The following DMD variants were observed in gnomAD, a reference collection of about 807,000 sequenced individuals.
DMD encodes mutant dystrophin.
Under a neutral mutation model 330.1 loss-of-function variants are expected in DMD, and 63 were observed. The ratio of observed to expected loss-of-function variants is 0.19; its 90% CI spans 0.16 to 0.24. DMD has a LOEUF of 0.24. DMD is among the 10% of genes least tolerant of loss of function. DMD has a pLI of 1.00. For missense variants in DMD, 3,344 were observed against 2,684.1 expected, an observed-to-expected ratio of 1.25 and a Z score of -5.43; for synonymous variants, 1,223 against 959.8, an observed-to-expected ratio of 1.27 and a Z score of -5.07.
At chrX:32,148,288 G>A (rs998728071) in intron 44 of DMD, among the ~76,000 whole-genome samples, 4 of 111,342 alleles carry the variant, frequency 3.6e-5, no homozygotes, top group African/African-American at 1.3e-4. Context: ...ACTTAGACCT[G>A]TCATTTTAGA....
intron 63 of DMD, among the ~76,000 whole-genome samples, chrX:31,223,934 ATGTTCAG>A (rs2046343024): frequency 8.9e-6 from 1 of 112,467 alleles, no homozygotes; most frequent in South Asian, 3.7e-4. Context: ...AATCATTCTA[ATGTTCAG>A]CACAGAATAA....
chrX:32,882,435 C>G (rs759084886), intron 2 of DMD, among the ~76,000 whole-genome samples: 17 of 112,312 alleles, frequency 1.5e-4, no homozygotes, highest in Non-Finnish European at 3.2e-4. Context: ...GCTGACACAT[C>G]ATCCCAAACC....
At position 33,273,954 on chromosome X, in the gene DMD, C is replaced by T. The variant is rs2053198211; in HGVS notation, c.7+65305G>A. On this transcript the variant is annotated intron_variant, in intron 1 of 17. Transcript: ENST00000288447. ...ATAGCAAAAATTCTCAATCTTAGCA[C>T]CAGTGCCAGGAGATGAATCTCATTA... Among the ~76,000 whole-genome samples the T allele has an allele frequency of 6.2e-5, 7 of 112,212 alleles. No individual in the cohort carries two copies. The South Asian group carries it at 2.6e-3, about 41-fold the overall frequency.
At chrX:32,446,206 A>G (rs2098303480) in intron 27 of DMD, among the ~76,000 whole-genome samples, 1 of 110,919 alleles carries the variant, frequency 9.0e-6, no homozygotes, top group Non-Finnish European at 1.9e-5. Context: ...ACACCAGGTG[A>G]CAAAGTATAA....
At chrX:31,836,599 A>G in intron 49 of DMD, 119 bp downstream of exon 49, 1 of 601,061 alleles carries the variant, frequency 1.7e-6, no homozygotes, top group Admixed American at 2.3e-5. Flanking sequence ...CAGTATGGCC[A>G]GTATTTCCTT....
intron 1 of DMD, among the ~76,000 whole-genome samples, chrX:33,208,014 C>G (rs186676081): frequency 9.0e-6 from 1 of 111,584 alleles, no homozygotes; most frequent in African/African-American, 3.3e-5. Flanking sequence ...ACCATTGCCT[C>G]TCTCTGAATC....
Position 31,600,823 on chromosome X carries a change from T to A in DMD, c.8217+26850A>T, listed in dbSNP as rs1035891259. On this transcript the variant is annotated intron_variant, in intron 55 of 78. Coordinates refer to ENST00000357033, the MANE Select transcript of DMD (RefSeq NM_004006.3). ...TGATGTTTTTTTTTTTTTTCTTTTT[T>A]TCTGGGCTCTGAGAAACCTCTCTCC... 2.1e-4 allele frequency among the ~76,000 whole-genome samples: 23 copies of A among 108,905 alleles called. 1 individual carries two copies. Among genetic ancestry groups the A allele is most frequent in the African/African-American group, 6.7e-4 (20 of 29,909 alleles). 94.6% of individuals were successfully genotyped at this position (108,905 alleles called of 115,157 possible).
intron 55 of DMD, among the ~76,000 whole-genome samples, chrX:31,512,153 T>C (rs1402755639): frequency 3.6e-5 from 4 of 110,938 alleles, no homozygotes. Flanking sequence ...TGTCTGTTCA[T>C]GTCCTTCACC....
At chrX:33,109,545 C>A (rs998025888) in intron 1 of DMD, among the ~76,000 whole-genome samples, 22 of 108,685 alleles carry the variant, frequency 2.0e-4, no homozygotes, top group African/African-American at 7.3e-4. Context: ...CTTCCTTGAC[C>A]ATTATAACTG....
intron 44 of DMD, among the ~76,000 whole-genome samples, chrX:32,089,228 A>G (rs955851432): frequency 7.2e-5 from 8 of 110,952 alleles, no homozygotes; most frequent in East Asian, 2.9e-4. Context: ...CTCAGAAGCA[A>G]TCTCTTTTAA....
At chrX:32,902,368 T>C (rs1251305128) in intron 2 of DMD, among the ~76,000 whole-genome samples, 1 of 110,859 alleles carries the variant, frequency 9.0e-6, no homozygotes, top group Non-Finnish European at 1.9e-5. Context: ...AGACACCAAA[T>C]TTTGATAAAA....
intron 43 of DMD, among the ~76,000 whole-genome samples, chrX:32,229,794 T>C (rs1251264454): frequency 1.0e-5 from 1 of 99,070 alleles, no homozygotes; most frequent in African/African-American, 3.7e-5. Flanking sequence ...TATAAACATA[T>C]CTGTCATCAC....
chrX:32,844,483 T>G (rs1472050160), intron 4 of DMD, among the ~76,000 whole-genome samples: 5 of 106,407 alleles, frequency 4.7e-5, no homozygotes, highest in Admixed American at 1.0e-4. Context: ...AGAAACCGAG[T>G]TGACTGCAGG....
intron 2 of DMD, among the ~76,000 whole-genome samples, chrX:32,854,056 A>T (rs998941997): frequency 1.3e-4 from 14 of 111,719 alleles, no homozygotes; most frequent in African/African-American, 4.2e-4. Flanking sequence ...CGAACACTGG[A>T]GCACCCAGAT....
In DMD at chrX:31,424,849, G is replaced by A. The variant is rs190794550; in HGVS notation, c.9084+19632C>T. On this transcript the variant is annotated intron_variant, in intron 60 of 78. Transcript: ENST00000357033. ...GAGACCTTTTACTACAACGTTTAAC[G>A]AAGTATTTGGATGACTTGAGGCTCA... Among the ~76,000 whole-genome samples, 537 of 112,065 alleles carry A rather than the reference G, an allele frequency of 4.8e-3. 5 individuals carry two copies. The highest frequency in any genetic ancestry group is 0.017 in the African/African-American group (520 of 30,875).
At chrX:32,188,330 T>C (rs1298178251) in intron 44 of DMD, among the ~76,000 whole-genome samples, 1 of 108,098 alleles carries the variant, frequency 9.3e-6, no homozygotes, top group African/African-American at 3.4e-5. Flanking sequence ...GCCAATTTTA[T>C]GTTTTAAGTC....
At chrX:32,853,398 C>G (rs1328287795) in intron 2 of DMD, among the ~76,000 whole-genome samples, 1 of 111,744 alleles carries the variant, frequency 8.9e-6, no homozygotes, top group Non-Finnish European at 1.9e-5. Context: ...ACTCTAATAA[C>G]TTTAAGACAT....
At chrX:31,261,849 A>G (rs2050552130) in intron 62 of DMD, 1 of 112,502 alleles carries the variant, frequency 8.9e-6, no homozygotes, top group Admixed American at 9.4e-5. Flanking sequence ...CCATAGCGTC[A>G]TATTTCCAGT....
chrX:33,134,437 A>C (rs1407185089), intron 1 of DMD, among the ~76,000 whole-genome samples: 2 of 112,270 alleles, frequency 1.8e-5, no homozygotes, highest in Non-Finnish European at 3.8e-5. Context: ...AAAAGTTCGC[A>C]GACATACTGC....
Sources: allele counts gnomAD v4.1 joint callset (sites outside exome capture counted in the v4.1 genomes callset), GRCh38; gene constraint gnomAD v4.1.1; transcripts MANE v1.5; gene names NCBI Gene and HGNC (gene_info 2026-07-23, HGNC 2026-07-21).